MAP2K1: variants seen among roughly 807,000 people sequenced by gnomAD.
MAP2K1 encodes mitogen-activated protein kinase kinase 1.
In MAP2K1, 16 loss-of-function variants were observed where a neutral mutation model predicts 46.3. The ratio of observed to expected loss-of-function variants is 0.35; its 90% CI spans 0.23 to 0.52. The LOEUF (loss-of-function observed/expected upper bound fraction) is 0.52. MAP2K1 is among the 20% of genes least tolerant of loss of function. The probability of loss-of-function intolerance (pLI) is 0.94; values close to 1 mark genes in which losing one functional copy is unlikely to be tolerated. For missense variants in MAP2K1, 263 were observed against 497.1 expected (o/e 0.53, Z 4.48); for synonymous variants, 183 against 185.6 (o/e 0.99, Z 0.11).
At chr15:66,404,594 T>C (rs2093391472) in intron 1 of MAP2K1, among the ~76,000 whole-genome samples, 1 of 152,218 alleles carries the variant, frequency 6.6e-6, no homozygotes, top group African/African-American at 2.4e-5. Context: ...TTCTAAAGCA[T>C]TTCCAGTTAA....
At chr15:66,439,990 T>C (rs1161664331) in intron 3 of MAP2K1, among the ~76,000 whole-genome samples, 1 of 151,514 alleles carries the variant, frequency 6.6e-6, no homozygotes, top group Non-Finnish European at 1.5e-5. Context: ...AAGTGTACAC[T>C]CGTACACCCA....
rs1428500284 is a variant in MAP2K1, at chr15:66,452,310, A to AAAG, written c.568+7605_568+7606insGAA. On this transcript the variant is annotated intron_variant, in intron 5 of 10. Coordinates refer to ENST00000307102, the MANE Select transcript of MAP2K1 (RefSeq NM_002755.4). ...AATAAAAAAAAAAAAAAAAGAAAAA[A>AAAG]AAAAGCTAAATATAGAAAGCCACCT... Among the ~76,000 whole-genome samples the AAAG allele has an allele frequency of 2.0e-5, 3 of 149,740 alleles. No individual in the cohort carries two copies. The East Asian group carries it at 5.8e-4, about 29-fold the overall frequency.
At chr15:66,464,477 T>C (rs1294500697) in intron 5 of MAP2K1, among the ~76,000 whole-genome samples, 1 of 152,186 alleles carries the variant, frequency 6.6e-6, no homozygotes, top group Non-Finnish European at 1.5e-5. Context: ...TTCAGTAATT[T>C]CAAATTAGGA....
At chr15:66,392,302 G>A (rs1271856154) in intron 1 of MAP2K1, among the ~76,000 whole-genome samples, 1 of 110,628 alleles carries the variant, frequency 9.0e-6, no homozygotes, top group Non-Finnish European at 1.7e-5. Flanking sequence ...CGCTCCCACT[G>A]CCCAGGCTGG....
At chr15:66,442,581 C>G (rs544425249) in intron 3 of MAP2K1, among the ~76,000 whole-genome samples, 1 of 152,154 alleles carries the variant, frequency 6.6e-6, no homozygotes, top group Admixed American at 6.5e-5. Flanking sequence ...ACTCCCAGAC[C>G]GTGTTTTTCC....
At chr15:66,397,772 G>A (rs1019514093) in intron 1 of MAP2K1, among the ~76,000 whole-genome samples, 3 of 152,170 alleles carry the variant, frequency 2.0e-5, no homozygotes, top group Non-Finnish European at 4.4e-5. Context: ...AACCTAGGAT[G>A]TGGAACATTC....
intron 10 of MAP2K1, 43 bp from the exon 11 acceptor site, chr15:66,490,459 T>G (rs755610917): frequency 8.4e-6 from 12 of 1,431,604 alleles, no homozygotes; most frequent in Non-Finnish European, 1.2e-5. Context: ...TTTGTTTTTT[T>G]GTTTCTTTTT....
chr15:66,416,932 C>T (rs1037038569), intron 1 of MAP2K1, among the ~76,000 whole-genome samples: 8 of 152,184 alleles, frequency 5.3e-5, no homozygotes, highest in African/African-American at 1.9e-4. Flanking sequence ...AAGCTTTTCT[C>T]ATTTTATTTT....
chr15:66,387,152 G>C lies in MAP2K1; in HGVS notation c.-196G>C. On this transcript the variant is annotated 5_prime_UTR_variant, in exon 1 of 11. Coordinates refer to ENST00000307102, the MANE Select transcript of MAP2K1 (RefSeq NM_002755.4). ...GCGCGCGAAGCCGAGTCCCGGGCGG[G>C]TGGGGCGGGGGTCCACTGAGACCGC... The C allele has an allele frequency of 2.2e-6, 1 of 463,412 alleles. No individual in the cohort carries two copies. The highest frequency in any genetic ancestry group is 3.8e-6 in the Non-Finnish European group (1 of 260,824). The allele number at this position is 463,412 out of a possible 1,614,324, so 28.7% of individuals were successfully genotyped here.
At chr15:66,436,678 G>T in intron 2 of MAP2K1, 68 bp from the exon 3 acceptor site, 1 of 1,455,218 alleles carries the variant, frequency 6.9e-7, no homozygotes, top group Non-Finnish European at 9.6e-7. Flanking sequence ...CATTTAACAA[G>T]ACTATATCTT....
At chr15:66,439,267 G>C (rs1044436414) in intron 3 of MAP2K1, among the ~76,000 whole-genome samples, 2 of 152,186 alleles carry the variant, frequency 1.3e-5, no homozygotes, top group African/African-American at 2.4e-5. Flanking sequence ...GAAGGTCTTT[G>C]GTCCTCTCTC....
intron 1 of MAP2K1, among the ~76,000 whole-genome samples, chr15:66,392,845 G>C (rs2093359888): frequency 6.6e-6 from 1 of 152,122 alleles, no homozygotes; most frequent in Non-Finnish European, 1.5e-5. Context: ...GAGCCACCAT[G>C]CCTGGCCTTA....
chr15:66,404,102 A>T (rs2093389611), intron 1 of MAP2K1, among the ~76,000 whole-genome samples: 1 of 152,254 alleles, frequency 6.6e-6, no homozygotes, highest in Non-Finnish European at 1.5e-5. Context: ...TATTAATAAT[A>T]GAAAATGTAT....
chr15:66,444,851 T>A (rs899811056), intron 5 of MAP2K1, 144 bp downstream of exon 5: 10 of 748,096 alleles, frequency 1.3e-5, no homozygotes, highest in Middle Eastern at 3.7e-4. Flanking sequence ...TTTGTTTAGT[T>A]TGGTGGCTGA....
intron 5 of MAP2K1, among the ~76,000 whole-genome samples, chr15:66,445,201 C>A (rs1449139737): frequency 2.6e-5 from 4 of 151,956 alleles, no homozygotes; most frequent in African/African-American, 9.7e-5. Flanking sequence ...CCAGCCTGAC[C>A]CAACATGGTG....
rs577148221 is a variant in MAP2K1 at position 66,469,272 on chromosome 15, A to G, written c.569-12483A>G. 5.3e-5 allele frequency among the ~76,000 whole-genome samples: 8 copies of G among 152,348 alleles called. No homozygotes were observed. The East Asian group carries it at 1.3e-3, about 26-fold the overall frequency. Reference sequence around the variant, plus strand: ...CTCCGTCTCAAAATAAAAGTTTTTTAAACAAAGACATTTCTAAGTGTCTAA... The same window carrying G: ...CTCCGTCTCAAAATAAAAGTTTTTTGAACAAAGACATTTCTAAGTGTCTAA... On this transcript the variant is annotated intron_variant, in intron 5 of 10. Transcript: ENST00000307102.
chr15:66,489,344 G>T (rs941885127), intron 9 of MAP2K1, 68 bp downstream of exon 9: 2 of 1,419,944 alleles, frequency 1.4e-6, no homozygotes, highest in African/African-American at 2.8e-5. Flanking sequence ...CCCATTTCTG[G>T]AAGCACCAGC....
chr15:66,429,054 A>G (rs2093467722), intron 1 of MAP2K1, among the ~76,000 whole-genome samples: 1 of 152,152 alleles, frequency 6.6e-6, no homozygotes. Context: ...TACTAGGATT[A>G]CAGGTGTGAG....
chr15:66,466,646 C>T (rs1892475771), intron 5 of MAP2K1, among the ~76,000 whole-genome samples: 1 of 152,112 alleles, frequency 6.6e-6, no homozygotes, highest in African/African-American at 2.4e-5. Flanking sequence ...TGCCACTGCA[C>T]TCCAGCCTGG....
Sources: gnomAD v4.1 joint callset for allele counts (sites outside exome capture counted in the v4.1 genomes callset) on GRCh38, gnomAD v4.1.1 for gene constraint, MANE v1.5 for transcripts, NCBI Gene and HGNC (gene_info 2026-07-23, HGNC 2026-07-21) for gene names.